Variants in ZMIZ1 observed in about 807,000 individuals in gnomAD.
ZMIZ1 encodes zinc finger MIZ-type containing 1, also known as zinc finger MIZ domain-containing protein 1.
In ZMIZ1, 17 loss-of-function variants were observed where a neutral mutation model predicts 113.9. The observed-to-expected ratio is 0.15, with a 90% CI of 0.10 to 0.22. ZMIZ1 has a LOEUF of 0.22. Ranked by LOEUF, ZMIZ1 falls within the 10% of genes least tolerant of loss-of-function variation. ZMIZ1 has a pLI of 1.00. For missense variants in ZMIZ1, 1,059 were observed against 1,477.8 expected (o/e 0.72, Z 4.65); for synonymous variants, 607 against 603.1 (o/e 1.01, Z -0.09).
intron 8 of ZMIZ1, among the ~76,000 whole-genome samples, chr10:79,287,115 G>A (rs1208830969): frequency 2.0e-5 from 3 of 152,202 alleles, no homozygotes; most frequent in Non-Finnish European, 2.9e-5. Context: ...TTGTAAAAGC[G>A]TGACCTGTAG....
chr10:79,232,922 G>A lies in ZMIZ1; in HGVS notation c.280+16648G>A, dbSNP rs537108907. ...CCCTGGGGTTCCAAGCATCCAAGGG[G>A]CTAAGTGATAGGAAGTACTGATGCC... On this transcript the variant is annotated intron_variant, in intron 7 of 24. Coordinates refer to ENST00000334512, the MANE Select transcript of ZMIZ1 (RefSeq NM_020338.4). Among the ~76,000 whole-genome samples, 708 of 152,304 alleles carry A rather than the reference G, an allele frequency of 4.6e-3. 7 individuals carry two copies. The highest frequency in any genetic ancestry group is 0.016 in the African/African-American group (651 of 41,558).
At chr10:79,209,500 G>A (rs968057839) in intron 6 of ZMIZ1, among the ~76,000 whole-genome samples, 1 of 152,228 alleles carries the variant, frequency 6.6e-6, no homozygotes. Flanking sequence ...AAGGAATGTG[G>A]GTAAACAGAT....
intron 3 of ZMIZ1, among the ~76,000 whole-genome samples, chr10:79,150,673 G>C (rs967042432): frequency 3.3e-5 from 5 of 152,236 alleles, no homozygotes; most frequent in Admixed American, 3.3e-4. Context: ...ATGGGATAAA[G>C]GGTTTGGGGT....
intron 4 of ZMIZ1, among the ~76,000 whole-genome samples, chr10:79,196,755 T>C (rs922151924): frequency 1.3e-5 from 2 of 152,224 alleles, no homozygotes; most frequent in East Asian, 3.9e-4. Context: ...AACAAGCATT[T>C]ATCAAGGCCC....
intron 4 of ZMIZ1, among the ~76,000 whole-genome samples, chr10:79,162,362 T>G (rs1016830231): frequency 1.3e-5 from 2 of 152,092 alleles, no homozygotes; most frequent in Admixed American, 1.3e-4. Context: ...GAGCAGCTGC[T>G]AGGGGTGGGG....
At position 79,296,988 on chromosome 10, in the gene ZMIZ1, G is replaced by A. The variant is rs1028165347; in HGVS notation, c.1413+335G>A. On this transcript the variant is annotated intron_variant, in intron 13 of 24. Transcript: ENST00000334512. This position sits in a 1 kb window ranked among gnomAD's most constrained non-coding sequence, Gnocchi z 4.1. ...TAACATTTCATTCTAAACTTTGTAT[G>A]TGCAGGTGGGCACTAACATGTTATA... The A allele has an allele frequency of 6.3e-5, 14 of 223,642 alleles. No individual in the cohort carries two copies. Among genetic ancestry groups the A allele is most frequent in the Non-Finnish European group, 1.0e-4 (12 of 115,908 alleles). 13.9% of individuals were successfully genotyped at this position (223,642 alleles called of 1,614,324 possible).
At chr10:79,075,367 A>G (rs2132161400) in intron 1 of ZMIZ1, among the ~76,000 whole-genome samples, 1 of 152,284 alleles carries the variant, frequency 6.6e-6, no homozygotes, top group Non-Finnish European at 1.5e-5. Flanking sequence ...TAGTGGTCTG[A>G]CTTTGGGATA....
chr10:79,299,148 G>A lies in ZMIZ1; in HGVS notation c.1765G>A (p.Val589Met), dbSNP rs1196466999. The stretch of plus-strand genomic sequence containing the variant: ...GCACAACCTGGCGGTCAGCAACCAT[G>A]TGTTCCACCTGCGGCCCACGGTCCA... The part of the protein sequence containing the change: ...LEHNLAVSNH[V>M]FHLRPTVHQT... Residue 589 changes from valine to methionine, a missense_variant, in exon 16 of 25, where the codon GTG becomes ATG. Val to Met is a conservative substitution (Grantham distance 21, BLOSUM62 1). Coordinates refer to ENST00000334512, the MANE Select transcript of ZMIZ1 (RefSeq NM_020338.4). The A allele has an allele frequency of 6.2e-7, 1 of 1,610,872 alleles. No homozygotes were observed. Among genetic ancestry groups the A allele is most frequent in the Admixed American group, 1.7e-5 (1 of 60,004 alleles).
chr10:79,106,953 G>A (rs531408140), intron 1 of ZMIZ1, among the ~76,000 whole-genome samples: 10 of 152,362 alleles, frequency 6.6e-5, no homozygotes, highest in East Asian at 1.9e-4. Flanking sequence ...TTTGGGCTCC[G>A]CTTTGGAAGT....
intron 1 of ZMIZ1, among the ~76,000 whole-genome samples, chr10:79,070,150 G>C (rs540513246): frequency 4.6e-5 from 7 of 151,952 alleles, no homozygotes; most frequent in South Asian, 2.1e-4. Flanking sequence ...CGGGGTCGGG[G>C]GGGGGAGGCG....
intron 7 of ZMIZ1, among the ~76,000 whole-genome samples, chr10:79,265,084 T>C (rs907921533): frequency 1.3e-5 from 2 of 152,208 alleles, no homozygotes; most frequent in Non-Finnish European, 2.9e-5. Context: ...TGAGGTTCCC[T>C]GGAGTTCAGT....
intron 4 of ZMIZ1, among the ~76,000 whole-genome samples, chr10:79,168,382 C>T (rs983421268): frequency 2.0e-5 from 3 of 152,330 alleles, no homozygotes; most frequent in Non-Finnish European, 4.4e-5. Flanking sequence ...TGCACACAGG[C>T]ACCCCATGGC....
intron 4 of ZMIZ1, among the ~76,000 whole-genome samples, chr10:79,171,948 A>T (rs974620715): frequency 6.6e-6 from 1 of 152,198 alleles, no homozygotes; most frequent in Non-Finnish European, 1.5e-5. Context: ...TATGAAGTGA[A>T]TGACCAGCAC....
At chr10:79,182,704 G>A (rs901853345) in intron 4 of ZMIZ1, among the ~76,000 whole-genome samples, 6 of 152,228 alleles carry the variant, frequency 3.9e-5, no homozygotes, top group African/African-American at 7.2e-5. Flanking sequence ...ACACAGCGGA[G>A]TGGTTCCGAG....
At chr10:79,144,108 G>A (rs1322563950) in intron 3 of ZMIZ1, among the ~76,000 whole-genome samples, 1 of 152,164 alleles carries the variant, frequency 6.6e-6, no homozygotes, top group Admixed American at 6.5e-5. Flanking sequence ...CCCGGCGGAG[G>A]GGACGAGTAA....
Position 79,306,335 on chromosome 10 carries a change from A to G in ZMIZ1, c.2659A>G (p.Ser887Gly). 6.2e-7 allele frequency: 1 copy of G among 1,609,806 alleles called. No homozygotes were observed. Among genetic ancestry groups the G allele is most frequent in the Non-Finnish European group, 8.5e-7 (1 of 1,179,898 alleles). Residue 887 changes from serine (S) to glycine (G), a missense_variant, in exon 22 of 25, where the codon AGC (serine) becomes GGC (glycine). Physicochemically the swap from Ser to Gly is moderately conservative, Grantham distance 56 (BLOSUM62 0). Coordinates refer to ENST00000334512, the MANE Select transcript of ZMIZ1 (RefSeq NM_020338.4). Reference sequence around the variant, plus strand: ...AGGGGGCACCAACTCCAACGACTACAGCAGCCAAGGTGGGTGATGCCAGGC... The same window carrying G: ...AGGGGGCACCAACTCCAACGACTACGGCAGCCAAGGTGGGTGATGCCAGGC... ...PPGGTNSNDY[S>G]SQGNNYQGHG...
chr10:79,229,862 G>C, intron 7 of ZMIZ1, among the ~76,000 whole-genome samples: 1 of 152,178 alleles, frequency 6.6e-6, no homozygotes, highest in East Asian at 1.9e-4. Flanking sequence ...AACCTGGACT[G>C]GGTTGGGACG....
At chr10:79,178,562 A>T (rs1037296385) in intron 4 of ZMIZ1, among the ~76,000 whole-genome samples, 1 of 152,158 alleles carries the variant, frequency 6.6e-6, no homozygotes, top group Non-Finnish European at 1.5e-5. Context: ...TGCCCTGGTG[A>T]CATCCTTGGT....
At chr10:79,299,329 G>C in intron 16 of ZMIZ1, 138 bp downstream of exon 16, 1 of 1,288,320 alleles carries the variant, frequency 7.8e-7, no homozygotes, top group Non-Finnish European at 1.0e-6. Context: ...ATCATTGACT[G>C]GGCCCTGTCC....
Sources: gnomAD v4.1 joint callset for allele counts (sites outside exome capture counted in the v4.1 genomes callset) on GRCh38, gnomAD v4.1.1 for gene constraint, Gnocchi (gnomAD v3.1) non-coding constraint, MANE v1.5 for transcripts, NCBI Gene and HGNC (gene_info 2026-07-23, HGNC 2026-07-21) for gene names.